Variants in PARN observed in about 807,000 individuals in gnomAD.
PARN encodes poly(A)-specific ribonuclease, also known as poly(A)-specific ribonuclease PARN.
In PARN, 71 loss-of-function variants were observed where a neutral mutation model predicts 102.8. The ratio of observed to expected loss-of-function variants is 0.69; its 90% CI spans 0.57 to 0.84. The LOEUF (loss-of-function observed/expected upper bound fraction) is 0.84. Among genes scored for constraint, PARN ranks in the 40% least tolerant of loss-of-function variants. The pLI, the probability that PARN is intolerant of heterozygous loss-of-function variation, is 0.00. For synonymous variants in PARN, 261 were observed against 252.9 expected, an observed-to-expected ratio of 1.03 and a Z score of -0.30; for missense variants, 782 against 760.9, an observed-to-expected ratio of 1.03 and a Z score of -0.33.
chr16:14,593,329 A>C lies in PARN; in HGVS notation c.890T>G (p.Val297Gly). 6.2e-7 allele frequency: 1 copy of C among 1,604,526 alleles called. No homozygotes were observed. The highest frequency in any genetic ancestry group is 8.5e-7 in the Non-Finnish European group (1 of 1,171,356). ...HNMLLDVMHTVHQFYCPLPAD... is the reference protein window; with the variant it reads ...HNMLLDVMHTGHQFYCPLPAD... ...AGGCAGAGGGCAGTAGAACTGATGA[A>C]CTGTGTGCATGACGTCCAAGAGCAT... Residue 297 changes from valine (V) to glycine (G), a missense_variant, in exon 13 of 24, where the codon GTT (valine) becomes GGT (glycine). Transcript: ENST00000437198.
chr16:14,517,657 T>C (rs970163438), intron 21 of PARN, among the ~76,000 whole-genome samples: 5 of 152,224 alleles, frequency 3.3e-5, no homozygotes, highest in Non-Finnish European at 7.3e-5. Flanking sequence ...GATTGCCTTA[T>C]AAGTCAACAG....
At chr16:14,520,325 C>T (rs1019520176) in intron 21 of PARN, among the ~76,000 whole-genome samples, 3 of 152,124 alleles carry the variant, frequency 2.0e-5, no homozygotes, top group Non-Finnish European at 2.9e-5. Context: ...AAACTCATGA[C>T]ATTTGTGAGA....
rs762805176 is a variant in PARN, at chr16:14,584,351, T to C, written c.1077A>G (p.Lys359=). 6.2e-7 allele frequency: 1 copy of C among 1,606,716 alleles called. No homozygotes were observed. The highest frequency in any genetic ancestry group is 8.5e-7 in the Non-Finnish European group (1 of 1,173,384). Residue 359 remains lysine, a synonymous_variant, in exon 16 of 24, where the codon AAA becomes AAG. Coordinates refer to ENST00000437198, the MANE Select transcript of PARN (RefSeq NM_002582.4). ...RLKETPFNPP[K]VESAEGFPSY... ...TTTCCGGTTTAATATTCTTACCAAC[T>C]TTAGGAGGGTTGAAAGGTGTCTCTT...
intron 16 of PARN, among the ~76,000 whole-genome samples, chr16:14,583,949 G>C (rs1969685321): frequency 6.6e-6 from 1 of 152,156 alleles, no homozygotes; most frequent in South Asian, 2.1e-4. Context: ...TGTAAATCCA[G>C]TTCTCGGGCT....
intron 22 of PARN, among the ~76,000 whole-genome samples, chr16:14,453,344 T>C (rs1414183912): frequency 1.3e-5 from 2 of 152,216 alleles, no homozygotes; most frequent in Non-Finnish European, 2.9e-5. Flanking sequence ...GAAAGAAATG[T>C]TTGCTTATAG....
chr16:14,541,118 T>A, intron 21 of PARN, among the ~76,000 whole-genome samples: 1 of 148,752 alleles, frequency 6.7e-6, no homozygotes. Flanking sequence ...TGGCGAAACA[T>A]CTTTTTTTTT....
At chr16:14,546,487 T>A (rs1278430933) in intron 21 of PARN, among the ~76,000 whole-genome samples, 1 of 152,226 alleles carries the variant, frequency 6.6e-6, no homozygotes, top group Non-Finnish European at 1.5e-5. Flanking sequence ...ACTGTTGAGT[T>A]CCTGCCTCTT....
At chr16:14,505,105 T>A (rs1296956609) in intron 21 of PARN, among the ~76,000 whole-genome samples, 1 of 152,248 alleles carries the variant, frequency 6.6e-6, no homozygotes, top group Non-Finnish European at 1.5e-5. Flanking sequence ...ATAAATTACA[T>A]ATCACTGTTT....
chr16:14,565,791 TG>T (rs1968392565), intron 18 of PARN, among the ~76,000 whole-genome samples: 1 of 152,358 alleles, frequency 6.6e-6, no homozygotes, highest in East Asian at 1.9e-4. Flanking sequence ...TCCCTGACTC[TG>T]CCACTCCTGG....
At chr16:14,486,242 C>CTA (rs1567313605) in intron 21 of PARN, among the ~76,000 whole-genome samples, 1 of 152,134 alleles carries the variant, frequency 6.6e-6, no homozygotes. Flanking sequence ...TGGCTTCAGA[C>CTA]TATAGTCTCA....
At chr16:14,574,609 AG>A (rs1269403962) in intron 18 of PARN, among the ~76,000 whole-genome samples, 2 of 152,106 alleles carry the variant, frequency 1.3e-5, no homozygotes, top group African/African-American at 2.4e-5. Flanking sequence ...GCTACTCAGG[AG>A]GCTGAGGCAG....
At chr16:14,492,242 G>A (rs556599703) in intron 21 of PARN, among the ~76,000 whole-genome samples, 3 of 152,240 alleles carry the variant, frequency 2.0e-5, no homozygotes, top group Non-Finnish European at 4.4e-5. Context: ...GAAGATAGTG[G>A]AGGACGGCAT....
chr16:14,620,784 A>G (rs1002623102), intron 5 of PARN, among the ~76,000 whole-genome samples: 18 of 152,192 alleles, frequency 1.2e-4, no homozygotes, highest in Non-Finnish European at 7.3e-5. Flanking sequence ...TCCTAATCCT[A>G]TGGACCACGG....
intron 21 of PARN, among the ~76,000 whole-genome samples, chr16:14,547,389 T>C (rs1031541924): frequency 2.0e-5 from 3 of 152,112 alleles, no homozygotes; most frequent in Admixed American, 6.6e-5. Context: ...AGGGTTCCTA[T>C]AAAAGAGAAC....
At chr16:14,615,393 T>C (rs1162484523) in intron 6 of PARN, among the ~76,000 whole-genome samples, 1 of 151,944 alleles carries the variant, frequency 6.6e-6, no homozygotes, top group African/African-American at 2.4e-5. Flanking sequence ...TAGTCCAATA[T>C]AGTGCTCTAA....
At chr16:14,504,179 T>TA (rs1964768097) in intron 21 of PARN, among the ~76,000 whole-genome samples, 1 of 152,184 alleles carries the variant, frequency 6.6e-6, no homozygotes, top group Non-Finnish European at 1.5e-5. Flanking sequence ...AATTTTTAAA[T>TA]TAAAAATGTC....
In PARN at chr16:14,554,037, A is replaced by T. The variant is rs772633851; in HGVS notation, c.1405+28T>A. On this transcript the variant is annotated intron_variant, in intron 20 of 23. Coordinates refer to ENST00000437198, the MANE Select transcript of PARN (RefSeq NM_002582.4). ...TATACCAAATGAATAGCAAAACCCT[A>T]AAAAGTACATCTGAACTTGCGACTT... 23 of 1,510,616 alleles carry T rather than the reference A, an allele frequency of 1.5e-5. No homozygotes were observed. In the South Asian group the frequency reaches 2.2e-4, roughly 15 times the overall value. 93.6% of individuals were successfully genotyped at this position (1,510,616 alleles called of 1,614,324 possible).
At chr16:14,482,057 G>C (rs1963411667) in intron 22 of PARN, among the ~76,000 whole-genome samples, 1 of 152,098 alleles carries the variant, frequency 6.6e-6, no homozygotes, top group Non-Finnish European at 1.5e-5. Context: ...CAGAACTGGT[G>C]AACAAGACAC....
chr16:14,630,108 GCTC>G lies in PARN; in HGVS notation c.15_17del (p.Arg5del). 1.3e-6 allele frequency: 2 copies of G among 1,561,364 alleles called. No homozygotes were observed. The highest frequency in any genetic ancestry group is 1.7e-6 in the Non-Finnish European group (2 of 1,151,818). ...GGGAGGTGTACGGCGGACACGCACT[GCTC>G]CTGATTATCTCCATTCTGCAGAGTG... On this transcript the variant is annotated inframe_deletion and splice_region_variant, in exon 1 of 24. Transcript: ENST00000437198.
Sources: gnomAD v4.1 joint callset for allele counts (sites outside exome capture counted in the v4.1 genomes callset) on GRCh38, gnomAD v4.1.1 for gene constraint, MANE v1.5 for transcripts, NCBI Gene and HGNC (gene_info 2026-07-23, HGNC 2026-07-21) for gene names.